ZNF208: variants seen among roughly 807,000 people sequenced by gnomAD.
The protein encoded by ZNF208 is zinc finger protein 208.
ZNF208 carries 10 observed loss-of-function variants against 12.1 expected under a neutral mutation model. The ratio of observed to expected loss-of-function variants is 0.83; its 90% CI spans 0.51 to 1.40. The LOEUF is 1.40. ZNF208 is among the 40% of genes most tolerant of loss of function. The probability of loss-of-function intolerance (pLI) is 0.00; values close to 1 mark genes in which losing one functional copy is unlikely to be tolerated. For synonymous variants in ZNF208, 497 were observed against 488.4 expected, an observed-to-expected ratio of 1.02 and a Z score of -0.23; for missense variants, 1,652 against 1,485.0, an observed-to-expected ratio of 1.11 and a Z score of -1.85.
At chr19:21,988,259 G>C (rs560411643) in intron 2 of ZNF208, among the ~76,000 whole-genome samples, 2 of 152,164 alleles carry the variant, frequency 1.3e-5, no homozygotes, top group East Asian at 3.9e-4. Flanking sequence ...ATAGAAATCT[G>C]AAAGCATAAA....
At position 21,967,396 on chromosome 19, in the gene ZNF208, G is replaced by A. The variant is rs1970192092; in HGVS notation, c.*3795C>T. ...CAGTACTCTCTCTTCCATTTCATTGGTCTAGATGTTTATTTTTGTACCAGA... is the reference window on the plus strand; with the variant it reads ...CAGTACTCTCTCTTCCATTTCATTGATCTAGATGTTTATTTTTGTACCAGA... On this transcript the variant is annotated 3_prime_UTR_variant, in exon 4 of 4. Transcript: ENST00000397126. 6.6e-6 allele frequency: 1 copy of A among 151,930 alleles called. No individual in the cohort carries two copies. Among genetic ancestry groups the A allele is most frequent in the South Asian group, 2.1e-4 (1 of 4,824 alleles). The allele number at this position is 151,930 out of a possible 1,614,324, so 9.4% of individuals were successfully genotyped here.
rs576553481 is a variant in ZNF208 at position 21,951,025 on chromosome 19, C to T, written c.306-17788G>A. ...TAGTGCCTCTTGGTTCATGCAACTT[C>T]AATATTTAAGAAATAAAAACATTCT... On this transcript the variant is annotated intron_variant, in intron 4 of 4. Coordinates refer to the ZNF208 transcript ENST00000599916. Among the ~76,000 whole-genome samples the T allele has an allele frequency of 4.9e-4, 74 of 152,282 alleles. 1 individual carries two copies. In the South Asian group the frequency reaches 0.014, roughly 29 times the overall value.
intron 4 of ZNF208, chr19:21,941,120 A>G: frequency 2.7e-6 from 1 of 373,190 alleles, no homozygotes; most frequent in Non-Finnish European, 4.7e-6. Context: ...GACAAATGTC[A>G]GACGCCAAGA....
chr19:21,943,586 G>A (rs1255481796), intron 4 of ZNF208, among the ~76,000 whole-genome samples: 1 of 152,204 alleles, frequency 6.6e-6, no homozygotes, highest in Non-Finnish European at 1.5e-5. Flanking sequence ...CTAAACATAT[G>A]TGGCAACCCA....
rs1474263721 is a variant in ZNF208, at chr19:21,970,851, C to T, written c.*340G>A. The T allele has an allele frequency of 1.8e-5, 27 of 1,503,290 alleles. No individual in the cohort carries two copies. The East Asian group carries it at 1.8e-4, about 10-fold the overall frequency. 93.1% of individuals were successfully genotyped at this position (1,503,290 alleles called of 1,614,324 possible). ...GCTGAAGGCTTTGCCACTTTCTTCA[C>T]ATTTGTAGGGTTTCTCTCCAGTATG... On this transcript the variant is annotated 3_prime_UTR_variant, in exon 4 of 4. Transcript: ENST00000397126.
At chr19:21,945,398 A>T (rs1969800932) in intron 4 of ZNF208, among the ~76,000 whole-genome samples, 1 of 152,190 alleles carries the variant, frequency 6.6e-6, no homozygotes, top group Admixed American at 6.5e-5. Context: ...AAACTAAGGC[A>T]ACAACTGAGG....
chr19:21,996,999 G>T (rs953608024), intron 1 of ZNF208, among the ~76,000 whole-genome samples: 1 of 152,252 alleles, frequency 6.6e-6, no homozygotes, highest in Non-Finnish European at 1.5e-5. Flanking sequence ...GGCCCATCTA[G>T]AGTAAAGCTT....
Position 21,987,406 on chromosome 19 carries a change from C to T in ZNF208, c.131-95G>A, listed in dbSNP as rs1400539345. On this transcript the variant is annotated intron_variant, in intron 2 of 3. Transcript: ENST00000397126. The stretch of plus-strand genomic sequence containing the variant: ...AGTAAAGAGGATGTAATAGAATATT[C>T]TAATAGATTTATCCCAAAATACTAA... 4 of 1,211,962 alleles carry T rather than the reference C, an allele frequency of 3.3e-6. No individual in the cohort carries two copies. The Admixed American group carries it at 1.3e-4, about 40-fold the overall frequency. The allele number at this position is 1,211,962 out of a possible 1,614,324, so 75.1% of individuals were successfully genotyped here.
chr19:21,996,389 A>G (rs983759212), intron 1 of ZNF208, among the ~76,000 whole-genome samples: 2 of 152,194 alleles, frequency 1.3e-5, no homozygotes, highest in Non-Finnish European at 2.9e-5. Context: ...GATATGGAAT[A>G]TAGTGTCCAG....
chr19:21,985,683 A>G (rs1970619579), intron 3 of ZNF208, among the ~76,000 whole-genome samples: 1 of 152,180 alleles, frequency 6.6e-6, no homozygotes, highest in Non-Finnish European at 1.5e-5. Context: ...AGAGATACCC[A>G]TTTAGAGCCA....
chr19:21,976,715 C>T (rs1970437331), intron 3 of ZNF208, among the ~76,000 whole-genome samples: 1 of 152,268 alleles, frequency 6.6e-6, no homozygotes, highest in African/African-American at 2.4e-5. Context: ...CATGCACCAC[C>T]ACACCCAGCT....
chr19:21,975,823 C>CAAA (rs532995268), intron 3 of ZNF208, among the ~76,000 whole-genome samples: 3 of 26,408 alleles, frequency 1.1e-4, no homozygotes, highest in Non-Finnish European at 1.3e-4. Context: ...AGTCAAAGTC[C>CAAA]AAAAAAAAAA....
chr19:21,978,736 C>G (rs1268115448), intron 3 of ZNF208, among the ~76,000 whole-genome samples: 3 of 152,124 alleles, frequency 2.0e-5, no homozygotes, highest in African/African-American at 7.2e-5. Flanking sequence ...GACGAATTGA[C>G]AGCTCAAATT....
rs1467211988 is a variant in ZNF208, at chr19:21,974,763, T to C, written c.271A>G (p.Ile91Val). The C allele has an allele frequency of 2.1e-5, 34 of 1,596,208 alleles. No individual in the cohort carries two copies. Among genetic ancestry groups the C allele is most frequent in the Non-Finnish European group, 2.9e-5 (34 of 1,172,688 alleles). The change falls in exon 4 of 4, where the codon ATA (isoleucine) becomes GTA (valine). Residue 91 changes from isoleucine to valine, a missense_variant. Coordinates refer to ENST00000397126, the MANE Select transcript of ZNF208 (RefSeq NM_007153.3). ...ATCACTTTTTGGAAAGAATCTTCTA[T>C]GCCCTGCTCTGGCCAAAGATCTTGA... is the stretch of plus-strand genomic sequence containing the variant. ...FAQDLWPEQG[I>V]EDSFQKVILR... is the part of the protein sequence containing the mutation.
At chr19:21,980,602 C>G (rs539437358) in intron 3 of ZNF208, among the ~76,000 whole-genome samples, 4 of 152,074 alleles carry the variant, frequency 2.6e-5, no homozygotes, top group Non-Finnish European at 5.9e-5. Context: ...TAAATGCCCA[C>G]AAAAGAAAGC....
In ZNF208 at chr19:21,984,533, T is replaced by C. The variant is rs369168877; in HGVS notation, c.226+2683A>G. The stretch of plus-strand genomic sequence containing the variant: ...ATGCCATTGCACTCCAGCCTGGTGA[T>C]AGAGTAAGACTCTGTCTCAAAAAAA... On this transcript the variant is annotated intron_variant, in intron 3 of 3. Transcript: ENST00000397126. Among the ~76,000 whole-genome samples, 294 of 152,178 alleles carry C rather than the reference T, an allele frequency of 1.9e-3. 2 individuals are homozygous for C. The highest frequency in any genetic ancestry group is 6.7e-3 in the African/African-American group (276 of 41,496).
chr19:21,960,292 C>G (rs943113029), intron 4 of ZNF208, among the ~76,000 whole-genome samples: 5 of 151,454 alleles, frequency 3.3e-5, no homozygotes, highest in African/African-American at 1.2e-4. Flanking sequence ...TTTCAATCAG[C>G]CAAAATATTA....
chr19:21,984,166 G>A (rs576244463), intron 3 of ZNF208, among the ~76,000 whole-genome samples: 1 of 152,156 alleles, frequency 6.6e-6, no homozygotes, highest in African/African-American at 2.4e-5. Context: ...CAAAAAAGAA[G>A]TCTTACCAAG....
chr19:21,954,855 G>T (rs1326266110), intron 4 of ZNF208, among the ~76,000 whole-genome samples: 1 of 152,076 alleles, frequency 6.6e-6, no homozygotes, highest in Middle Eastern at 3.2e-3. Context: ...ATATTGCTTT[G>T]TGTGAATTTG....
Sources: allele counts gnomAD v4.1 joint callset (sites outside exome capture counted in the v4.1 genomes callset), GRCh38; gene constraint gnomAD v4.1.1; transcripts MANE v1.5; gene names NCBI Gene and HGNC (gene_info 2026-07-23, HGNC 2026-07-21).